Variants in CSGALNACT1 observed in about 807,000 individuals in gnomAD.
CSGALNACT1 encodes the protein beta4GalNAcT-1.
Under a neutral mutation model 51.0 loss-of-function variants are expected in CSGALNACT1, and 52 were observed. The observed-to-expected ratio is 1.02, with a 90% confidence interval of 0.82 to 1.29. The LOEUF (loss-of-function observed/expected upper bound fraction) is 1.29. Among genes scored for constraint, CSGALNACT1 ranks in the 50% most tolerant of loss-of-function variants. CSGALNACT1 has a pLI of 0.00. For missense variants in CSGALNACT1, 935 were observed against 679.2 expected, an observed-to-expected ratio of 1.38 and a Z score of -4.19; for synonymous variants, 341 against 254.4, an observed-to-expected ratio of 1.34 and a Z score of -3.24.
upstream of CSGALNACT1, among the ~76,000 whole-genome samples, chr8:19,607,117 G>A (rs1195402788): frequency 6.6e-6 from 1 of 151,506 alleles, no homozygotes; most frequent in Non-Finnish European, 1.5e-5. Context: ...AACGCGCCAC[G>A]GCACTCCAGC....
rs537122845 is a variant in CSGALNACT1 at position 19,676,077 on chromosome 8, T to A, written c.-544+6396A>T. Among the ~76,000 whole-genome samples, 343 of 105,174 alleles carry A rather than the reference T, an allele frequency of 3.3e-3. 1 individual carries two copies. The highest frequency in any genetic ancestry group is 5.3e-3 in the Non-Finnish European group (273 of 51,036). 69.0% of individuals were successfully genotyped at this position (105,174 alleles called of 152,430 possible). A position where few individuals can be genotyped will look rare whatever the true frequency, so the allele number is the denominator to read the frequency against. ...ACCTAACCACGATGGATGGTGGTTG[T>A]CTGATTTAAAAAACAAAACAAAACA... is the stretch of plus-strand genomic sequence containing the variant. On this transcript the variant is annotated intron_variant, in intron 1 of 9. Transcript: ENST00000332246.
At chr8:19,626,303 AT>A (rs2054449002) in intron 1 of CSGALNACT1, among the ~76,000 whole-genome samples, 1 of 152,204 alleles carries the variant, frequency 6.6e-6, no homozygotes, top group African/African-American at 2.4e-5. Context: ...TTTAACAAAG[AT>A]TTAAAAAGCA....
At chr8:19,412,979 C>T (rs1029578897) in intron 8 of CSGALNACT1, among the ~76,000 whole-genome samples, 4 of 152,104 alleles carry the variant, frequency 2.6e-5, no homozygotes, top group African/African-American at 4.8e-5. Context: ...GCCAATGTTG[C>T]CAAGCCCAAA....
upstream of CSGALNACT1, among the ~76,000 whole-genome samples, chr8:19,687,196 C>T (rs754726259): frequency 2.0e-5 from 3 of 152,096 alleles, no homozygotes; most frequent in African/African-American, 7.2e-5. Context: ...ACCTCAAAAC[C>T]ACCAATGAGC....
At chr8:19,590,674 G>A (rs1442759637) in intron 3 of CSGALNACT1, among the ~76,000 whole-genome samples, 1 of 118,102 alleles carries the variant, frequency 8.5e-6, no homozygotes, top group Non-Finnish European at 1.6e-5. Flanking sequence ...TTTGGAGATG[G>A]AGTCTCGCTC....
chr8:19,523,990 A>G (rs561301523), intron 3 of CSGALNACT1, among the ~76,000 whole-genome samples: 15 of 152,314 alleles, frequency 9.8e-5, no homozygotes, highest in African/African-American at 3.4e-4. Flanking sequence ...CCAAATCATC[A>G]TGGATATAAA....
chr8:19,740,516 G>A (rs1423534814), intron 1 of CSGALNACT1, among the ~76,000 whole-genome samples: 2 of 152,236 alleles, frequency 1.3e-5, no homozygotes, highest in Non-Finnish European at 2.9e-5. Flanking sequence ...TCTTCAGAGT[G>A]AGGAGGATTT....
intron 1 of CSGALNACT1, among the ~76,000 whole-genome samples, chr8:19,648,732 G>A (rs1249229870): frequency 6.6e-6 from 1 of 152,184 alleles, no homozygotes; most frequent in Non-Finnish European, 1.5e-5. Flanking sequence ...TGAGCCTGGA[G>A]CAACTGAGGG....
rs1198685760 is a variant in CSGALNACT1, at chr8:19,519,824, T to C, written c.-296-13694A>G. ...ATTCTGGTCTCTCCACCCACAATCC[T>C]TGGCACCAGCCAGCATGATGGAGAA... On this transcript the variant is annotated intron_variant, in intron 3 of 9. Coordinates refer to ENST00000454498, the Ensembl canonical transcript of CSGALNACT1. Among the ~76,000 whole-genome samples the C allele has an allele frequency of 7.9e-5, 12 of 152,302 alleles. 1 individual carries two copies. The highest frequency in any genetic ancestry group is 7.4e-5 in the Non-Finnish European group (5 of 68,014).
chr8:19,608,794 G>C (rs570982284), intron 1 of CSGALNACT1, among the ~76,000 whole-genome samples: 1 of 152,296 alleles, frequency 6.6e-6, no homozygotes, highest in African/African-American at 2.4e-5. Flanking sequence ...TGGTGACACT[G>C]TGATAGATGA....
chr8:19,505,814 C>A (rs1333633161), exon 4 of CSGALNACT1: 1 of 1,612,268 alleles, frequency 6.2e-7, no homozygotes, highest in Non-Finnish European at 8.5e-7. Flanking sequence ...ACGCAAGCAG[C>A]CCCCGGCGAA....
chr8:19,548,873 G>A (rs565048459), intron 3 of CSGALNACT1, among the ~76,000 whole-genome samples: 2 of 152,204 alleles, frequency 1.3e-5, no homozygotes, highest in African/African-American at 4.8e-5. Flanking sequence ...TTCTACAGTA[G>A]AGTGGTGCAG....
chr8:19,544,154 G>C (rs2085931531), intron 3 of CSGALNACT1, among the ~76,000 whole-genome samples: 1 of 151,848 alleles, frequency 6.6e-6, no homozygotes, highest in Non-Finnish European at 1.5e-5. Context: ...ACAAGGACAT[G>C]GCTGTCAAAC....
At chr8:19,676,083 T>TAAA (rs1564404826) in intron 1 of CSGALNACT1, among the ~76,000 whole-genome samples, 12 of 59,158 alleles carry the variant, frequency 2.0e-4, no homozygotes, top group African/African-American at 4.7e-4. Flanking sequence ...GTTGTCTGAT[T>TAAA]TAAAAAACAA....
intron 3 of CSGALNACT1, among the ~76,000 whole-genome samples, chr8:19,590,114 CGTT>C (rs1554737510): frequency 6.6e-6 from 1 of 152,180 alleles, no homozygotes; most frequent in Non-Finnish European, 1.5e-5. Flanking sequence ...AGTTTGGTGA[CGTT>C]GTCATCTCTC....
intron 1 of CSGALNACT1, among the ~76,000 whole-genome samples, chr8:19,756,898 GA>G (rs1283922604): frequency 1.3e-4 from 20 of 152,016 alleles, no homozygotes; most frequent in Non-Finnish European, 2.7e-4. Flanking sequence ...AGCGGCCCCG[GA>G]CCCTCCCTGG....
At chr8:19,674,852 C>G (rs1005801527) in intron 1 of CSGALNACT1, among the ~76,000 whole-genome samples, 10 of 152,054 alleles carry the variant, frequency 6.6e-5, no homozygotes, top group African/African-American at 2.4e-4. Context: ...TCATAAGTAG[C>G]TAATGGCTTA....
chr8:19,559,833 A>T (rs1564049108), intron 3 of CSGALNACT1, among the ~76,000 whole-genome samples: 1 of 152,194 alleles, frequency 6.6e-6, no homozygotes, highest in Admixed American at 6.5e-5. Context: ...GAACTTATAG[A>T]ATCAATACAA....
At chr8:19,488,396 T>TATAC (rs2073568584) in intron 4 of CSGALNACT1, among the ~76,000 whole-genome samples, 2 of 94,838 alleles carry the variant, frequency 2.1e-5, no homozygotes, top group South Asian at 6.4e-4. Context: ...TATATATATA[T>TATAC]ATATATATAT....
Sources: allele counts gnomAD v4.1 joint callset (sites outside exome capture counted in the v4.1 genomes callset), GRCh38; gene constraint gnomAD v4.1.1; transcripts MANE v1.5; gene names NCBI Gene and HGNC (gene_info 2026-07-23, HGNC 2026-07-21).